The following SCFD1 variants were observed in gnomAD, a reference collection of about 807,000 sequenced individuals.
SCFD1 encodes the protein sec1 family domain-containing protein 1.
SCFD1 carries 37 observed loss-of-function variants against 103.2 expected under a neutral mutation model. The observed-to-expected ratio is 0.36, with a 90% CI of 0.28 to 0.47. The LOEUF is 0.47. Among genes scored for constraint, SCFD1 ranks in the 20% least tolerant of loss-of-function variants. SCFD1 has a pLI of 1.00. For missense variants in SCFD1, 639 were observed against 761.2 expected, an observed-to-expected ratio of 0.84 and a Z score of 1.89; for synonymous variants, 264 against 245.0, an observed-to-expected ratio of 1.08 and a Z score of -0.73.
chr14:30,735,246 A>G (rs1053024306), intron 24 of SCFD1: 6 of 315,272 alleles, frequency 1.9e-5, no homozygotes, highest in African/African-American at 6.5e-5. Context: ...TAATGTTTAC[A>G]TTTCTTTACT....
chr14:30,624,169 C>T (rs548030002), intron 1 of SCFD1, among the ~76,000 whole-genome samples: 1 of 152,190 alleles, frequency 6.6e-6, no homozygotes, highest in Non-Finnish European at 1.5e-5. Flanking sequence ...CTCCTTTCTT[C>T]CTGGTTCACT....
chr14:30,669,042 C>T (rs1295352979), intron 10 of SCFD1, among the ~76,000 whole-genome samples: 1 of 152,140 alleles, frequency 6.6e-6, no homozygotes, highest in Non-Finnish European at 1.5e-5. Context: ...CCAGCAATCC[C>T]ATTACTGGGT....
chr14:30,722,646 CTATAACTT>C (rs1892730686), intron 23 of SCFD1, 87 bp downstream of exon 23: 1 of 674,626 alleles, frequency 1.5e-6, no homozygotes, highest in Non-Finnish European at 2.4e-6. Flanking sequence ...CCTGATCCTT[CTATAACTT>C]CTTTTCTAAA....
intron 7 of SCFD1, among the ~76,000 whole-genome samples, chr14:30,648,227 A>G (rs1402659660): frequency 6.6e-6 from 1 of 152,200 alleles, no homozygotes; most frequent in Admixed American, 6.5e-5. Context: ...TATTACAAAC[A>G]TTTATAACTT....
chr14:30,731,480 A>T (rs1893462498), intron 23 of SCFD1, among the ~76,000 whole-genome samples: 1 of 152,192 alleles, frequency 6.6e-6, no homozygotes, highest in Non-Finnish European at 1.5e-5. Flanking sequence ...CTTCCTATCC[A>T]TGGGCATGGA....
intron 17 of SCFD1, among the ~76,000 whole-genome samples, chr14:30,705,214 T>C (rs1485790311): frequency 6.6e-6 from 1 of 152,088 alleles, no homozygotes. Flanking sequence ...ACAAAGAAAG[T>C]GGTTTTGAAC....
intron 14 of SCFD1, among the ~76,000 whole-genome samples, chr14:30,683,755 G>C (rs1889689507): frequency 6.6e-6 from 1 of 152,188 alleles, no homozygotes; most frequent in African/African-American, 2.4e-5. Context: ...TTGCAACATA[G>C]AAAGGTTTAT....
At position 30,624,909 on chromosome 14, in the gene SCFD1, A is replaced by T. The variant is rs1449020410; in HGVS notation, c.61+2510A>T. On this transcript the variant is annotated intron_variant, in intron 1 of 24. Coordinates refer to ENST00000458591, the MANE Select transcript of SCFD1 (RefSeq NM_016106.4). ...CTTTGTGGAGTACTGTTTCAGAGATAATCTCCATGGCTCACTCCCTCACTT... is the reference window on the plus strand; with the variant it reads ...CTTTGTGGAGTACTGTTTCAGAGATTATCTCCATGGCTCACTCCCTCACTT... Among the ~76,000 whole-genome samples, 5 of 152,094 alleles carry T rather than the reference A, an allele frequency of 3.3e-5. No homozygotes were observed. In the East Asian group the frequency reaches 9.7e-4, roughly 29 times the overall value.
chr14:30,675,148 A>G (rs532140261), intron 14 of SCFD1, 83 bp downstream of exon 14: 6 of 626,802 alleles, frequency 9.6e-6, no homozygotes, highest in Non-Finnish European at 1.6e-5. Flanking sequence ...AGTATTCATT[A>G]TCTTATTGAG....
chr14:30,734,756 A>T (rs2139455175), intron 23 of SCFD1, 34 bp from the exon 24 acceptor site: 3 of 1,457,314 alleles, frequency 2.1e-6, no homozygotes, highest in East Asian at 4.5e-5. Context: ...ATTTCTTGTT[A>T]CTTGTATCTA....
chr14:30,664,237 G>C (rs756448923), intron 10 of SCFD1, among the ~76,000 whole-genome samples: 1 of 152,114 alleles, frequency 6.6e-6, no homozygotes, highest in African/African-American at 2.4e-5. Flanking sequence ...TGCAGCCTCC[G>C]CTGGTGATTA....
At chr14:30,635,810 G>A (rs1884665792) in intron 4 of SCFD1, among the ~76,000 whole-genome samples, 1 of 152,028 alleles carries the variant, frequency 6.6e-6, no homozygotes, top group Non-Finnish European at 1.5e-5. Flanking sequence ...ATAACTCTAT[G>A]TTTACCTTTT....
chr14:30,708,160 G>C, intron 19 of SCFD1, 95 bp downstream of exon 19: 1 of 769,614 alleles, frequency 1.3e-6, no homozygotes, highest in Non-Finnish European at 2.2e-6. Context: ...ATTTATTCAA[G>C]TAATAAATAG....
At chr14:30,664,608 G>A (rs915738645) in intron 10 of SCFD1, among the ~76,000 whole-genome samples, 4 of 152,074 alleles carry the variant, frequency 2.6e-5, no homozygotes. Context: ...AGCTGAAGGA[G>A]GATGTTTGAA....
chr14:30,694,644 G>A (rs1330726474), intron 14 of SCFD1, 129 bp from the exon 15 acceptor site: 7 of 1,304,496 alleles, frequency 5.4e-6, no homozygotes, highest in Non-Finnish European at 6.9e-6. Flanking sequence ...CTTCTGAACT[G>A]TACTTTTGAC....
At chr14:30,663,704 C>T (rs1338328576) in intron 10 of SCFD1, among the ~76,000 whole-genome samples, 1 of 152,210 alleles carries the variant, frequency 6.6e-6, no homozygotes, top group African/African-American at 2.4e-5. Context: ...ATTCCACTCA[C>T]TCTGTTCTCA....
rs1298756938 is a variant in SCFD1 at position 30,703,913 on chromosome 14, A to ATATG, written c.1490+1541_1490+1542insGTAT. Among the ~76,000 whole-genome samples the ATATG allele has an allele frequency of 4.1e-4, 4 of 9,830 alleles. No individual in the cohort carries two copies. The South Asian group carries it at 9.0e-3, about 22-fold the overall frequency. 6.4% of individuals were successfully genotyped at this position (9,830 alleles called of 152,430 possible). On this transcript the variant is annotated intron_variant, in intron 17 of 24. Coordinates refer to ENST00000458591, the MANE Select transcript of SCFD1 (RefSeq NM_016106.4). ...TTTTCAGATTTGGGAATATTTGCAT[A>ATATG]TATATATATATATATATATATATAT...
intron 10 of SCFD1, among the ~76,000 whole-genome samples, chr14:30,662,227 T>G (rs1887518191): frequency 6.6e-6 from 1 of 152,204 alleles, no homozygotes; most frequent in African/African-American, 2.4e-5. Context: ...GAAGATTTTC[T>G]CCAGAGAAAA....
At chr14:30,691,932 C>CTTTATTTATTTATTTATTTATTTA (rs10639442) in intron 14 of SCFD1, among the ~76,000 whole-genome samples, 2 of 143,148 alleles carry the variant, frequency 1.4e-5, no homozygotes, top group African/African-American at 5.2e-5. Context: ...ATTTAGCATA[C>CTTTATTTATTTATTTATTTATTTA]TTTATTTATT....
Sources: gnomAD v4.1 joint callset for allele counts (sites outside exome capture counted in the v4.1 genomes callset) on GRCh38, gnomAD v4.1.1 for gene constraint, MANE v1.5 for transcripts, NCBI Gene and HGNC (gene_info 2026-07-23, HGNC 2026-07-21) for gene names.